The following NOTCH3 variants were observed in gnomAD, a reference collection of about 807,000 sequenced individuals.
NOTCH3 encodes the protein neurogenic locus notch homolog protein 3.
Under a neutral mutation model 213.3 loss-of-function variants are expected in NOTCH3, and 86 were observed. That is an observed-to-expected ratio of 0.40 (90% CI 0.34 to 0.48). The LOEUF (loss-of-function observed/expected upper bound fraction) is 0.48. Ranked by LOEUF, NOTCH3 falls within the 20% of genes least tolerant of loss-of-function variation. The pLI is 0.57. For missense variants in NOTCH3, 2,783 were observed against 3,272.6 expected (o/e 0.85, Z 3.65); for synonymous variants, 1,354 against 1,355.9 (o/e 1.00, Z 0.03).
At position 15,187,199 on chromosome 19, in the gene NOTCH3, C is replaced by T; in HGVS notation, c.1746G>A (p.Gln582=). ...AGGGCTGGCTGCGGCATTCGTCCAC[C>T]TGGCTCTCGCAGCGTGTGCCCGTGT... The part of the protein sequence containing the change: ...PGYTGTRCES[Q]VDECRSQPCR... Residue 582 remains glutamine (Q), a synonymous_variant, in exon 11 of 33, where the codon CAG becomes CAA. Coordinates refer to ENST00000263388, the MANE Select transcript of NOTCH3 (RefSeq NM_000435.3). 6.2e-7 allele frequency: 1 copy of T among 1,614,086 alleles called. No homozygotes were observed. The highest frequency in any genetic ancestry group is 8.5e-7 in the Non-Finnish European group (1 of 1,180,032).
rs575165729 is a variant in NOTCH3 at position 15,161,463 on chromosome 19, C to T, written c.6165G>A (p.Ala2055=). The T allele has an allele frequency of 2.7e-5, 42 of 1,569,050 alleles. No homozygotes were observed. The highest frequency in any genetic ancestry group is 1.7e-4 in the Middle Eastern group (1 of 5,994). ...PPGAFLPGLK[A]AQSGSKKSRR... ...TGCTCTTCTTGGACCCCGACTGTGC[C>T]GCTTTGAGGCCAGGGAGGAAGGCCC... The change falls in exon 33 of 33, where the codon GCG becomes GCA. Residue 2055 remains alanine, a synonymous_variant. Transcript: ENST00000263388.
rs778799263 is a variant in NOTCH3, at chr19:15,180,968, T to C, written c.2987A>G (p.Gln996Arg). 1 of 1,591,212 alleles carries C rather than the reference T, an allele frequency of 6.3e-7. No homozygotes were observed. The highest frequency in any genetic ancestry group is 1.1e-5 in the South Asian group (1 of 87,818). Residue 996 changes from glutamine to arginine, a missense_variant, in exon 18 of 33, where the codon CAG becomes CGG. Coordinates refer to ENST00000263388, the MANE Select transcript of NOTCH3 (RefSeq NM_000435.3). ...CTCLESFTGP[Q>R]CQTLVDWCSR... ...CCCAGTAACTCCACCCACCTGGCAC[T>C]GCGGGCCCGTGAAGCTCTCGAGGCA...
intron 16 of NOTCH3, among the ~76,000 whole-genome samples, chr19:15,182,728 C>T (rs1001829827): frequency 2.0e-5 from 3 of 151,942 alleles, no homozygotes; most frequent in South Asian, 2.1e-4. Flanking sequence ...CCACAACCTC[C>T]GCCTCCCGGG....
Position 15,192,245 on chromosome 19 carries a change from C to T in NOTCH3, c.394G>A (p.Ala132Thr), listed in dbSNP as rs2145442401. Residue 132 changes from alanine to threonine, a missense_variant, in exon 4 of 33, where the codon GCC (alanine) becomes ACC (threonine). By Grantham distance (58) the Ala-to-Thr change is moderately conservative. Coordinates refer to ENST00000263388, the MANE Select transcript of NOTCH3 (RefSeq NM_000435.3). ...PCLSSPCAHGARCSVGPDGRF... is the reference protein window; with the variant it reads ...PCLSSPCAHGTRCSVGPDGRF... ...CCATCGGGCCCCACTGAGCAGCGGG[C>T]ACCGTGGGCACAAGGGCTGCTGAGG... is the stretch of plus-strand genomic sequence containing the variant. 1 of 1,602,826 alleles carries T rather than the reference C, an allele frequency of 6.2e-7. No individual in the cohort carries two copies. The highest frequency in any genetic ancestry group is 8.5e-7 in the Non-Finnish European group (1 of 1,175,224).
intron 2 of NOTCH3, 120 bp downstream of exon 2, chr19:15,197,380 A>G (rs2046976713): frequency 2.2e-6 from 2 of 922,888 alleles, no homozygotes; most frequent in East Asian, 5.2e-5. Context: ...CAAGCCACAC[A>G]CATGTAGGAA....
chr19:15,179,862 C>CA (rs2046824672), intron 20 of NOTCH3, among the ~76,000 whole-genome samples: 1 of 152,022 alleles, frequency 6.6e-6, no homozygotes, highest in South Asian at 2.1e-4. Flanking sequence ...GTCTGGGTGA[C>CA]AGAGTGAGAA....
intron 32 of NOTCH3, among the ~76,000 whole-genome samples, chr19:15,162,112 G>T: frequency 6.6e-6 from 1 of 150,718 alleles, no homozygotes; most frequent in East Asian, 2.0e-4. Flanking sequence ...CTCCCGAGCA[G>T]CTGGGACTAC....
chr19:15,181,245 C>G (rs1416869820), intron 17 of NOTCH3, 83 bp from the exon 18 acceptor site: 49 of 1,270,066 alleles, frequency 3.9e-5, no homozygotes, highest in South Asian at 7.7e-5. Context: ...GCTGTTAGCG[C>G]TGGGGACGTC....
At chr19:15,194,239 ACT>A (rs1322207714) in intron 2 of NOTCH3, among the ~76,000 whole-genome samples, 1 of 151,922 alleles carries the variant, frequency 6.6e-6, no homozygotes, top group Non-Finnish European at 1.5e-5. Context: ...ACAGAGCAAG[ACT>A]CTGTCTCAAA....
chr19:15,200,615 T>C (rs1205655042), intron 1 of NOTCH3, among the ~76,000 whole-genome samples, 173 bp downstream of exon 1: 3 of 151,852 alleles, frequency 2.0e-5, no homozygotes, highest in African/African-American at 7.3e-5. Context: ...TCTGGGGTCC[T>C]CCCCATTCTG....
rs903462020 is a variant in NOTCH3 at position 15,170,963 on chromosome 19, T to C, written c.4737-138A>G. On this transcript the variant is annotated intron_variant, in intron 25 of 32. Transcript: ENST00000263388. ...CACAGGTCTCCATGGCCCACCTGCA[T>C]CCACCTGGCATCCAACCCCACTGCA... 1.2e-5 allele frequency: 11 copies of C among 895,502 alleles called. No individual in the cohort carries two copies. In the African/African-American group the frequency reaches 1.3e-4, roughly 11 times the overall value. The allele number at this position is 895,502 out of a possible 1,614,324, so 55.5% of individuals were successfully genotyped here. A position where few individuals can be genotyped will look rare whatever the true frequency, so the allele number is the denominator to read the frequency against.
In NOTCH3 at chr19:15,179,074, C is replaced by A. The variant is rs1387316196; in HGVS notation, c.3669G>T (p.Leu1223=). 6 of 1,614,106 alleles carry A rather than the reference C, an allele frequency of 3.7e-6. No homozygotes were observed. The African/African-American group carries it at 8.0e-5, about 22-fold the overall frequency. The part of the protein sequence containing the change: ...ACHAAHTRDC[L]QDPGGGFRCL... Reference sequence around the variant, plus strand: ...AACGGAAACCTCCGCCTGGGTCCTGCAGGCAGTCCCGGGTGTGTGCCGCGT... The same window carrying A: ...AACGGAAACCTCCGCCTGGGTCCTGAAGGCAGTCCCGGGTGTGTGCCGCGT... The change falls in exon 22 of 33, where the codon CTG becomes CTT. Residue 1223 remains leucine, a synonymous_variant. Transcript: ENST00000263388.
At chr19:15,170,257 G>C in intron 27 of NOTCH3, 74 bp downstream of exon 27, 3 of 1,524,784 alleles carry the variant, frequency 2.0e-6, no homozygotes, top group Non-Finnish European at 1.8e-6. Context: ...TCAGAGGTCT[G>C]AGTCAGGTCA....
In NOTCH3 at chr19:15,173,104, CTTTTTTTTTTTT is replaced by C. The variant is rs1162467192; in HGVS notation, c.4736+952_4736+963del. ...TCTTCTTCTTCTTCTTCTTCTTCTT[CTTTTTTTTTTTT>C]TTTTTTTTTTTTAAGAGATCGGAGG... On this transcript the variant is annotated intron_variant, in intron 25 of 32. Transcript: ENST00000263388. Among the ~76,000 whole-genome samples, 14 of 19,238 alleles carry C rather than the reference CTTTTTTTTTTTT, an allele frequency of 7.3e-4. No homozygotes were observed. The African/African-American group carries it at 7.5e-3, about 10-fold the overall frequency. The allele number at this position is 19,238 out of a possible 152,430, so 12.6% of individuals were successfully genotyped here.
At chr19:15,188,184 T>A (rs2046899237) in intron 9 of NOTCH3, 51 bp downstream of exon 9, 1 of 1,389,140 alleles carries the variant, frequency 7.2e-7, no homozygotes, top group East Asian at 2.4e-5. Flanking sequence ...CCTGGAGTTT[T>A]TGCCCCTTCC....
rs780139667 is a variant in NOTCH3, at chr19:15,191,644, C to T, written c.816G>A (p.Thr272=). 1.6e-5 allele frequency: 26 copies of T among 1,613,464 alleles called. No individual in the cohort carries two copies. Among genetic ancestry groups the T allele is most frequent in the Non-Finnish European group, 2.0e-5 (24 of 1,180,000 alleles). The change falls in exon 6 of 33, where the codon ACG becomes ACA. Residue 272 remains threonine (T), a synonymous_variant. Transcript: ENST00000263388. ...GCAGCTGACACTCATCCACGTCCTC[C>T]GTGCAGAACTGGCCTGTGGCACACA... is the stretch of plus-strand genomic sequence containing the variant. ...CPPEWTGQFC[T]EDVDECQLQP... is the part of the protein sequence containing the mutation.
intron 28 of NOTCH3, among the ~76,000 whole-genome samples, chr19:15,168,836 AAAAT>A (rs200875006): frequency 2.0e-5 from 3 of 152,048 alleles, no homozygotes; most frequent in South Asian, 2.1e-4. Flanking sequence ...CTGGTCTCAA[AAAAT>A]AAATAAATAA....
intron 29 of NOTCH3, 151 bp downstream of exon 29, chr19:15,167,098 T>C (rs2046692156): frequency 3.6e-6 from 3 of 824,410 alleles, no homozygotes; most frequent in East Asian, 4.9e-5. Context: ...TGGACCTTTG[T>C]CACTTCCAAC....
chr19:15,178,724 G>T, intron 23 of NOTCH3, 99 bp downstream of exon 23: 1 of 864,390 alleles, frequency 1.2e-6, no homozygotes, highest in Non-Finnish European at 1.9e-6. Context: ...TCCCTTCGAT[G>T]TCTCCCCTAA....
Sources: allele counts gnomAD v4.1 joint callset (sites outside exome capture counted in the v4.1 genomes callset), GRCh38; gene constraint gnomAD v4.1.1; transcripts MANE v1.5; gene names NCBI Gene and HGNC (gene_info 2026-07-23, HGNC 2026-07-21).